Variants in TG observed in about 807,000 individuals in gnomAD.
The protein encoded by TG is thyroglobulin.
A neutral mutation model predicts 324.7 loss-of-function variants in TG; 270 were observed. That is an observed-to-expected ratio of 0.83 (90% CI 0.75 to 0.92). The LOEUF (loss-of-function observed/expected upper bound fraction) is 0.92, where lower values mean the gene tolerates loss of function less well. Ranked by LOEUF, TG falls within the 40% of genes least tolerant of loss-of-function variation. TG has a pLI of 0.00. For synonymous variants in TG, 1,401 were observed against 1,327.0 expected (o/e 1.06, Z -1.21); for missense variants, 3,591 against 3,456.4 (o/e 1.04, Z -0.98).
intron 41 of TG, among the ~76,000 whole-genome samples, chr8:133,056,722 T>C (rs1841501125): frequency 6.6e-6 from 1 of 152,216 alleles, no homozygotes; most frequent in South Asian, 2.1e-4. Context: ...GGGCACTGTG[T>C]CTGGAGGCTG....
chr8:132,924,081 G>C (rs978280180), intron 22 of TG, among the ~76,000 whole-genome samples: 5 of 151,910 alleles, frequency 3.3e-5, no homozygotes, highest in African/African-American at 1.2e-4. Flanking sequence ...CCATAACGTA[G>C]AATCAGTGGG....
At chr8:133,030,505 C>A (rs1465548895) in intron 41 of TG, among the ~76,000 whole-genome samples, 1 of 152,142 alleles carries the variant, frequency 6.6e-6, no homozygotes, top group African/African-American at 2.4e-5. Context: ...GAAAAAATAA[C>A]CTGGTTGGCC....
intron 41 of TG, chr8:133,059,010 G>T (rs1452026713): frequency 2.2e-6 from 1 of 461,824 alleles, no homozygotes; most frequent in Non-Finnish European, 4.3e-6. Flanking sequence ...TTTGGAAGCA[G>T]TGAGAAGGCT....
At chr8:133,129,504 T>C (rs1851788214) in intron 45 of TG, among the ~76,000 whole-genome samples, 1 of 152,220 alleles carries the variant, frequency 6.6e-6, no homozygotes, top group Non-Finnish European at 1.5e-5. Flanking sequence ...TTAAACTTTT[T>C]TCTTTTTTTG....
At chr8:132,898,273 C>T in intron 13 of TG, 27 bp downstream of exon 13, 1 of 1,563,974 alleles carries the variant, frequency 6.4e-7, no homozygotes, top group Non-Finnish European at 8.7e-7. Flanking sequence ...GAGTTCTCCT[C>T]CTGACCCCCC....
intron 43 of TG, among the ~76,000 whole-genome samples, chr8:133,100,669 G>A (rs961931017): frequency 1.3e-5 from 2 of 152,038 alleles, no homozygotes; most frequent in East Asian, 1.9e-4. Context: ...TTCCCATGAC[G>A]TCACTCTGGG....
chr8:132,929,612 G>A (rs1822396946), intron 23 of TG, among the ~76,000 whole-genome samples: 1 of 120,464 alleles, frequency 8.3e-6, no homozygotes, highest in Non-Finnish European at 2.0e-5. Flanking sequence ...AGTTACAGAA[G>A]ACAAAAATAG....
intron 11 of TG, among the ~76,000 whole-genome samples, chr8:132,895,290 G>T (rs529733707): frequency 7.9e-5 from 12 of 152,216 alleles, no homozygotes; most frequent in Admixed American, 3.3e-4. Flanking sequence ...GACAACATCT[G>T]CTCCAAGTCA....
chr8:132,886,391 C>T (rs1815426158), intron 8 of TG, 57 bp from the exon 9 acceptor site: 1 of 1,611,610 alleles, frequency 6.2e-7, no homozygotes, highest in South Asian at 1.1e-5. Context: ...GAGGAGCTGT[C>T]TCAGGATTGC....
intron 41 of TG, among the ~76,000 whole-genome samples, chr8:133,051,168 A>T (rs746313933): frequency 1.3e-5 from 2 of 152,190 alleles, no homozygotes; most frequent in Non-Finnish European, 2.9e-5. Context: ...TCATCTGAGA[A>T]ATGGGATCCA....
intron 25 of TG, among the ~76,000 whole-genome samples, chr8:132,939,051 A>C (rs1480228323): frequency 6.7e-6 from 1 of 150,270 alleles, no homozygotes; most frequent in African/African-American, 2.4e-5. Context: ...GTCTCAAAAA[A>C]AAAAAAAAAA....
intron 36 of TG, among the ~76,000 whole-genome samples, 153 bp downstream of exon 36, chr8:133,012,188 G>A (rs531019066): frequency 4.3e-4 from 66 of 152,288 alleles, no homozygotes; most frequent in African/African-American, 1.5e-3. Context: ...CCTGGGTGAA[G>A]TCTCCTCATT....
At chr8:133,062,030 C>T (rs867376116) in intron 41 of TG, among the ~76,000 whole-genome samples, 7 of 152,214 alleles carry the variant, frequency 4.6e-5, no homozygotes, top group Non-Finnish European at 1.0e-4. Flanking sequence ...AAGACAATGA[C>T]CAGGCTCGCA....
At chr8:133,028,180 G>C (rs1836281908) in intron 40 of TG, among the ~76,000 whole-genome samples, 1 of 152,216 alleles carries the variant, frequency 6.6e-6, no homozygotes, top group African/African-American at 2.4e-5. Context: ...TATACAGGCT[G>C]TGGACGTCAC....
chr8:133,074,830 T>C (rs913410940), intron 41 of TG: 7 of 985,010 alleles, frequency 7.1e-6, no homozygotes, highest in Non-Finnish European at 8.4e-6. Context: ...CCACCCCATC[T>C]CTGCCACATA....
intron 34 of TG, among the ~76,000 whole-genome samples, chr8:132,973,586 C>A (rs1264796609): frequency 1.3e-5 from 2 of 152,154 alleles, no homozygotes; most frequent in Non-Finnish European, 2.9e-5. Context: ...CACACCACTT[C>A]CTCAGTTTTT....
intron 14 of TG, among the ~76,000 whole-genome samples, chr8:132,899,620 C>T (rs1395324259): frequency 1.3e-5 from 2 of 152,190 alleles, no homozygotes; most frequent in Non-Finnish European, 2.9e-5. Context: ...AGCATAGTTT[C>T]ATAGAGAAAT....
intron 34 of TG, among the ~76,000 whole-genome samples, chr8:132,972,987 T>A (rs1378040676): frequency 6.6e-6 from 1 of 152,186 alleles, no homozygotes; most frequent in Non-Finnish European, 1.5e-5. Context: ...CATGGATGTA[T>A]GTAACAAGAA....
At chr8:132,882,084 G>A in intron 6 of TG, 115 bp downstream of exon 6, 1 of 751,880 alleles carries the variant, frequency 1.3e-6, no homozygotes, top group Non-Finnish European at 2.3e-6. Flanking sequence ...CCCCTGCCAG[G>A]CTGCTGTGGG....
Sources: gnomAD v4.1 joint callset for allele counts (sites outside exome capture counted in the v4.1 genomes callset) on GRCh38, gnomAD v4.1.1 for gene constraint, MANE v1.5 for transcripts, NCBI Gene and HGNC (gene_info 2026-07-23, HGNC 2026-07-21) for gene names.